Variants in SENP7 observed in about 807,000 individuals in gnomAD.
SENP7 encodes sentrin-specific protease 7.
SENP7 carries 64 observed loss-of-function variants against 141.2 expected under a neutral mutation model. The observed-to-expected ratio is 0.45, with a 90% CI of 0.37 to 0.56. The LOEUF (loss-of-function observed/expected upper bound fraction) is 0.56. SENP7 is among the 20% of genes least tolerant of loss of function. The pLI, the probability that SENP7 is intolerant of heterozygous loss-of-function variation, is 0.00. For missense variants in SENP7, 1,025 were observed against 1,212.2 expected (o/e 0.85, Z 2.29); for synonymous variants, 382 against 426.4 (o/e 0.90, Z 1.28).
chr3:101,454,637 A>G (rs1186636618), intron 4 of SENP7, among the ~76,000 whole-genome samples: 1 of 152,248 alleles, frequency 6.6e-6, no homozygotes, highest in Non-Finnish European at 1.5e-5. Flanking sequence ...TAAAAATCCA[A>G]CTGGTGAATA....
At chr3:101,334,658 C>T (rs747538934) in intron 17 of SENP7, among the ~76,000 whole-genome samples, 2 of 152,114 alleles carry the variant, frequency 1.3e-5, no homozygotes, top group African/African-American at 2.4e-5. Context: ...TTCAAAAGGA[C>T]CCAACCATTA....
At chr3:101,461,618 C>T (rs1422623130) in intron 3 of SENP7, among the ~76,000 whole-genome samples, 1 of 151,700 alleles carries the variant, frequency 6.6e-6, no homozygotes, top group African/African-American at 2.4e-5. Context: ...TATTGCAGTT[C>T]CTCGATAACT....
At chr3:101,358,459 C>A in intron 11 of SENP7, 1 of 359,586 alleles carries the variant, frequency 2.8e-6, no homozygotes, top group Non-Finnish European at 5.6e-6. Flanking sequence ...CTTTAACCAG[C>A]CCTCAACTCT....
At chr3:101,416,413 G>T (rs1285629076) in intron 5 of SENP7, among the ~76,000 whole-genome samples, 1 of 152,138 alleles carries the variant, frequency 6.6e-6, no homozygotes, top group African/African-American at 2.4e-5. Context: ...TTTGAAGAGA[G>T]TTTAAAGGTT....
At chr3:101,497,132 A>C (rs1020003804) in intron 2 of SENP7, among the ~76,000 whole-genome samples, 1 of 152,382 alleles carries the variant, frequency 6.6e-6, no homozygotes. Flanking sequence ...ACAGAAAAAA[A>C]TAAGGAAAGA....
At chr3:101,487,463 A>T (rs2064778722) in intron 3 of SENP7, among the ~76,000 whole-genome samples, 1 of 151,990 alleles carries the variant, frequency 6.6e-6, no homozygotes, top group Admixed American at 6.6e-5. Context: ...TCTTTAATTA[A>T]ATTAAGTTTC....
chr3:101,459,174 A>G (rs1018195453), intron 3 of SENP7, 122 bp from the exon 4 acceptor site: 52 of 503,546 alleles, frequency 1.0e-4, no homozygotes, highest in Admixed American at 1.7e-4. Flanking sequence ...ACAGAGAAAA[A>G]TAATAAGTGC....
chr3:101,502,885 C>T (rs1031023031), intron 1 of SENP7, among the ~76,000 whole-genome samples: 1 of 150,878 alleles, frequency 6.6e-6, no homozygotes, highest in Non-Finnish European at 1.5e-5. Context: ...CACTGCATTC[C>T]AGCCTGGGTG....
At chr3:101,336,750 G>GC (rs2059195760) in intron 17 of SENP7, among the ~76,000 whole-genome samples, 1 of 152,106 alleles carries the variant, frequency 6.6e-6, no homozygotes, top group Non-Finnish European at 1.5e-5. Flanking sequence ...GCCTCATGTT[G>GC]CAACAACTAT....
chr3:101,469,830 C>CAAAAAAAA (rs58498056), intron 3 of SENP7, among the ~76,000 whole-genome samples: 1 of 24,728 alleles, frequency 4.0e-5, no homozygotes, highest in Admixed American at 8.1e-4. Flanking sequence ...GACTCCGTCT[C>CAAAAAAAA]AAAAAAAAAA....
chr3:101,420,107 C>A (rs972893004), intron 4 of SENP7, among the ~76,000 whole-genome samples: 1 of 152,210 alleles, frequency 6.6e-6, no homozygotes, highest in East Asian at 1.9e-4. Context: ...GTGGCTCACG[C>A]CTGTAATCCC....
intron 9 of SENP7, among the ~76,000 whole-genome samples, chr3:101,365,990 C>T (rs1341851616): frequency 2.0e-5 from 3 of 152,064 alleles, no homozygotes; most frequent in Non-Finnish European, 2.9e-5. Flanking sequence ...AAGATGTGGG[C>T]GAGTATTCAC....
At chr3:101,370,108 A>G (rs1476521880) in intron 7 of SENP7, among the ~76,000 whole-genome samples, 1 of 152,186 alleles carries the variant, frequency 6.6e-6, no homozygotes, top group African/African-American at 2.4e-5. Flanking sequence ...TAATTGTATT[A>G]GAAACACTTT....
chr3:101,423,534 G>A (rs1359355059), intron 4 of SENP7, among the ~76,000 whole-genome samples: 3 of 152,108 alleles, frequency 2.0e-5, no homozygotes, highest in Non-Finnish European at 4.4e-5. Flanking sequence ...ATATGACCCA[G>A]CAATCCAACT....
intron 4 of SENP7, among the ~76,000 whole-genome samples, chr3:101,431,380 T>C (rs1418746543): frequency 6.6e-6 from 1 of 152,140 alleles, no homozygotes; most frequent in Non-Finnish European, 1.5e-5. Context: ...TAGGTGCATA[T>C]ATATTTAGGA....
In SENP7 at chr3:101,434,978, T is replaced by A. The variant is rs560798544; in HGVS notation, c.285-17188A>T. ...CAAAGAAACATCAAAAAAAGAAAAC[T>A]ACAGGCCAGCATCTCTGATGAACAC... is the stretch of plus-strand genomic sequence containing the variant. On this transcript the variant is annotated intron_variant, in intron 4 of 23. Coordinates refer to ENST00000394095, the MANE Select transcript of SENP7 (RefSeq NM_020654.5). Among the ~76,000 whole-genome samples, 4 of 152,044 alleles carry A rather than the reference T, an allele frequency of 2.6e-5. No homozygotes were observed. The East Asian group carries it at 7.7e-4, about 29-fold the overall frequency.
intron 3 of SENP7, among the ~76,000 whole-genome samples, chr3:101,467,094 C>CT (rs2063786103): frequency 6.6e-6 from 1 of 152,224 alleles, no homozygotes; most frequent in Non-Finnish European, 1.5e-5. Flanking sequence ...GCACAGCACT[C>CT]TGAGATCAAA....
rs542937115 is a variant in SENP7 at position 101,461,922 on chromosome 3, T to C, written c.187-2870A>G. On this transcript the variant is annotated intron_variant, in intron 3 of 23. Transcript: ENST00000394095. Reference sequence around the variant, plus strand: ...AGCCATAGACACAAAAGATCATATATTGAGTGATTCTGTTTTTGTGAAATA... The same window carrying C: ...AGCCATAGACACAAAAGATCATATACTGAGTGATTCTGTTTTTGTGAAATA... 2.6e-5 allele frequency among the ~76,000 whole-genome samples: 4 copies of C among 152,354 alleles called. No individual in the cohort carries two copies. In the South Asian group the frequency reaches 6.2e-4, roughly 24 times the overall value.
intron 3 of SENP7, among the ~76,000 whole-genome samples, chr3:101,460,684 G>A (rs545273392): frequency 6.6e-6 from 1 of 152,234 alleles, no homozygotes; most frequent in South Asian, 2.1e-4. Flanking sequence ...AGTAACAAGA[G>A]AAAAATGATA....
Sources: allele counts gnomAD v4.1 joint callset (sites outside exome capture counted in the v4.1 genomes callset), GRCh38; gene constraint gnomAD v4.1.1; transcripts MANE v1.5; gene names NCBI Gene and HGNC (gene_info 2026-07-23, HGNC 2026-07-21).